NPAS3: variants seen among roughly 807,000 people sequenced by gnomAD.
The protein encoded by NPAS3 is neuronal PAS domain-containing protein 3.
A neutral mutation model predicts 73.1 loss-of-function variants in NPAS3; 14 were observed. The observed-to-expected ratio is 0.19, with a 90% CI of 0.13 to 0.30. The LOEUF (loss-of-function observed/expected upper bound fraction) is 0.30, where lower values mean the gene tolerates loss of function less well. Ranked by LOEUF, NPAS3 falls within the 10% of genes least tolerant of loss-of-function variation. NPAS3 has a pLI of 1.00. For missense variants in NPAS3, 1,096 were observed against 1,250.0 expected (o/e 0.88, Z 1.86); for synonymous variants, 620 against 541.5 (o/e 1.14, Z -2.01).
At chr14:33,038,540 CAT>C (rs10694585) in intron 1 of NPAS3, among the ~76,000 whole-genome samples, 3,780 of 144,784 alleles carry the variant, frequency 0.026, 154 homozygotes, top group African/African-American at 0.09. Context: ...CATATATACA[CAT>C]ATATATATAT....
intron 1 of NPAS3, among the ~76,000 whole-genome samples, chr14:33,024,256 C>T (rs1038764544): frequency 1.3e-5 from 2 of 151,778 alleles, no homozygotes; most frequent in Non-Finnish European, 2.9e-5. Flanking sequence ...ACTGAAACCT[C>T]CACCTCCTGG....
intron 3 of NPAS3, among the ~76,000 whole-genome samples, chr14:33,324,587 T>A (rs1387673655): frequency 6.6e-6 from 1 of 152,218 alleles, no homozygotes; most frequent in Non-Finnish European, 1.5e-5. Context: ...AGGGATTGTG[T>A]TGTCACTAAA....
At chr14:33,165,233 C>T (rs1020432070) in intron 2 of NPAS3, among the ~76,000 whole-genome samples, 1 of 151,830 alleles carries the variant, frequency 6.6e-6, no homozygotes, top group Non-Finnish European at 1.5e-5. Flanking sequence ...TCACAAACAA[C>T]CTTTCGATGT....
intron 3 of NPAS3, among the ~76,000 whole-genome samples, chr14:33,290,034 C>T (rs531070345): frequency 9.9e-5 from 15 of 152,180 alleles, no homozygotes; most frequent in Admixed American, 7.9e-4. Flanking sequence ...TTTCTACATC[C>T]ATTTGGGAGC....
At chr14:33,202,167 C>T (rs1223415110) in intron 2 of NPAS3, among the ~76,000 whole-genome samples, 1 of 152,144 alleles carries the variant, frequency 6.6e-6, no homozygotes, top group South Asian at 2.1e-4. Context: ...TCTGAAAGGC[C>T]GGGGTGGGCA....
chr14:33,801,113 G>T (rs542842923), downstream of NPAS3: 7 of 1,573,738 alleles, frequency 4.4e-6, no homozygotes, highest in South Asian at 5.8e-5. Flanking sequence ...GGACTGAGGC[G>T]CCGCCCGTCC....
intron 4 of NPAS3, among the ~76,000 whole-genome samples, chr14:33,433,702 G>GT (rs1469606625): frequency 6.6e-6 from 1 of 152,186 alleles, no homozygotes; most frequent in African/African-American, 2.4e-5. Context: ...CATAAGTAGT[G>GT]TGATAATTGT....
chr14:33,272,471 T>C (rs1236198792), intron 3 of NPAS3, among the ~76,000 whole-genome samples: 2 of 152,138 alleles, frequency 1.3e-5, no homozygotes, highest in Admixed American at 1.3e-4. Flanking sequence ...GGCTGGAGTG[T>C]AGTAGCATGA....
chr14:33,179,272 C>T (rs771990268), intron 2 of NPAS3, among the ~76,000 whole-genome samples: 1 of 152,084 alleles, frequency 6.6e-6, no homozygotes, highest in Non-Finnish European at 1.5e-5. Flanking sequence ...TTTGGCAAGG[C>T]TTTTCTCTAT....
At chr14:33,535,982 G>A (rs1183366200) in intron 4 of NPAS3, among the ~76,000 whole-genome samples, 1 of 152,062 alleles carries the variant, frequency 6.6e-6, no homozygotes, top group Admixed American at 6.6e-5. Flanking sequence ...TACTCTCTTT[G>A]GCCATAGAAC....
chr14:33,194,987 A>G (rs1457295625), intron 2 of NPAS3, among the ~76,000 whole-genome samples: 1 of 152,230 alleles, frequency 6.6e-6, no homozygotes, highest in East Asian at 1.9e-4. Context: ...AGGAACAAAT[A>G]GGAGTGTTGC....
chr14:33,212,133 G>A (rs78258461), intron 2 of NPAS3, among the ~76,000 whole-genome samples: 2,015 of 152,282 alleles, frequency 0.013, 45 homozygotes, highest in African/African-American at 0.045. Flanking sequence ...TTACATAAGC[G>A]AGTGAAAGAT....
chr14:33,582,542 T>C (rs1567027400), intron 5 of NPAS3, among the ~76,000 whole-genome samples: 1 of 152,240 alleles, frequency 6.6e-6, no homozygotes, highest in Non-Finnish European at 1.5e-5. Flanking sequence ...TTTGGTTTTA[T>C]GTTAATCCTG....
intron 2 of NPAS3, among the ~76,000 whole-genome samples, chr14:33,056,230 T>C (rs951899759): frequency 6.6e-6 from 1 of 152,002 alleles, no homozygotes; most frequent in Non-Finnish European, 1.5e-5. Flanking sequence ...GGTCTAAAAG[T>C]TTTTTTTAAC....
At chr14:33,276,876 G>T (rs180709930) in intron 3 of NPAS3, among the ~76,000 whole-genome samples, 18 of 152,054 alleles carry the variant, frequency 1.2e-4, no homozygotes, top group Non-Finnish European at 1.3e-4. Context: ...TGCTTTCTGA[G>T]GGAATGATTG....
At chr14:33,186,819 G>C (rs2045993449) in intron 2 of NPAS3, among the ~76,000 whole-genome samples, 1 of 152,132 alleles carries the variant, frequency 6.6e-6, no homozygotes, top group Non-Finnish European at 1.5e-5. Context: ...GTGTTTCCCA[G>C]CTAGGGATGG....
chr14:32,989,007 C>T (rs1304107216), intron 1 of NPAS3, among the ~76,000 whole-genome samples: 1 of 152,062 alleles, frequency 6.6e-6, no homozygotes. Context: ...CTAGGATCTC[C>T]CAGTCTGAGT....
chr14:33,273,882 G>A (rs978402785), intron 3 of NPAS3, among the ~76,000 whole-genome samples: 2 of 152,170 alleles, frequency 1.3e-5, no homozygotes, highest in Admixed American at 6.5e-5. Flanking sequence ...ATGAAATAGT[G>A]ACTCCCAAAT....
chr14:33,176,061 T>C (rs1393842163), intron 2 of NPAS3, among the ~76,000 whole-genome samples: 1 of 152,188 alleles, frequency 6.6e-6, no homozygotes, highest in African/African-American at 2.4e-5. Context: ...TAAGAGGAAA[T>C]AGATAGGTCT....
Sources: allele counts gnomAD v4.1 joint callset (sites outside exome capture counted in the v4.1 genomes callset), GRCh38; gene constraint gnomAD v4.1.1; transcripts MANE v1.5; gene names NCBI Gene and HGNC (gene_info 2026-07-23, HGNC 2026-07-21).